ZSCAN4: variants seen among roughly 807,000 people sequenced by gnomAD.
The protein encoded by ZSCAN4 is zinc finger and SCAN domain containing 4.
ZSCAN4 carries 18 observed loss-of-function variants against 18.3 expected under a neutral mutation model. The ratio of observed to expected loss-of-function variants is 0.98; its 90% CI spans 0.68 to 1.46. The LOEUF is 1.46. Among genes scored for constraint, ZSCAN4 ranks in the 40% most tolerant of loss-of-function variants. The probability of loss-of-function intolerance (pLI) is 0.00; values close to 1 mark genes in which losing one functional copy is unlikely to be tolerated. For synonymous variants in ZSCAN4, 193 were observed against 180.3 expected, an observed-to-expected ratio of 1.07 and a Z score of -0.57; for missense variants, 498 against 511.4, an observed-to-expected ratio of 0.97 and a Z score of 0.25.
chr19:57,670,215 AAT>A (rs1340414217), intron 1 of ZSCAN4, 28 bp from the exon 2 acceptor site: 1 of 152,296 alleles, frequency 6.6e-6, no homozygotes, highest in Admixed American at 6.5e-5. Flanking sequence ...CAGAAATATT[AAT>A]GTGTTTGTTT....
the ZSCAN4 span, among the ~76,000 whole-genome samples, chr19:57,657,878 G>A: frequency 6.6e-6 from 1 of 152,158 alleles, no homozygotes; most frequent in Non-Finnish European, 1.5e-5. Flanking sequence ...CTAATACAGT[G>A]TAAATGCTGT....
chr19:57,658,624 A>G, the ZSCAN4 span, among the ~76,000 whole-genome samples: 2 of 152,178 alleles, frequency 1.3e-5, no homozygotes, highest in Admixed American at 6.5e-5. Context: ...ACCTGAGATC[A>G]GGAGTTCAAG....
At chr19:57,678,729 T>C (rs1488119092) in exon 5 of ZSCAN4, 3 of 1,613,956 alleles carry the variant, frequency 1.9e-6, no homozygotes, top group Non-Finnish European at 2.5e-6. Flanking sequence ...GTGTAAAAAG[T>C]CCTTCAGCCA....
the ZSCAN4 span, among the ~76,000 whole-genome samples, chr19:57,654,902 C>G: frequency 6.6e-6 from 1 of 152,172 alleles, no homozygotes; most frequent in Non-Finnish European, 1.5e-5. Flanking sequence ...CACCAGGGAC[C>G]TGGCTAAACT....
At position 57,677,793 on chromosome 19, in the gene ZSCAN4, C is replaced by A. The variant is rs890390883; in HGVS notation, c.397-121C>A. 1.2e-5 allele frequency: 10 copies of A among 868,992 alleles called. No homozygotes were observed. In the Admixed American group the frequency reaches 2.9e-4, roughly 25 times the overall value. The allele number at this position is 868,992 out of a possible 1,614,324, so 53.8% of individuals were successfully genotyped here. On this transcript the variant is annotated intron_variant, in intron 3 of 4. Transcript: ENST00000318203. ...GAATAACACCATCAGAGATGGTGGACAAAATATGTGATAGCCAATACTTGA... is the reference window on the plus strand; with the variant it reads ...GAATAACACCATCAGAGATGGTGGAAAAAATATGTGATAGCCAATACTTGA...
intron 2 of ZSCAN4, among the ~76,000 whole-genome samples, chr19:57,673,306 C>T (rs766207999): frequency 6.6e-6 from 1 of 151,740 alleles, no homozygotes; most frequent in African/African-American, 2.4e-5. Flanking sequence ...GGATTACAGG[C>T]GCGAGTCACC....
rs755068043 is a variant in ZSCAN4 at position 57,678,214 on chromosome 19, G to A, written c.611G>A (p.Arg204Gln). 1.2e-5 allele frequency: 19 copies of A among 1,613,934 alleles called. No individual in the cohort carries two copies. The highest frequency in any genetic ancestry group is 5.5e-5 in the South Asian group (5 of 91,068). The stretch of plus-strand genomic sequence containing the variant: ...TGGAACAGTTCTTCGAAAACTACTC[G>A]AGTAAATGAAAATATTACTAATCAA... Residue 204 changes from arginine (R) to glutamine (Q), a missense_variant, in exon 5 of 5, where the codon CGA becomes CAA. Coordinates refer to ENST00000318203, the Ensembl canonical transcript of ZSCAN4.
rs1368331405 is a variant in ZSCAN4 at position 57,678,569 on chromosome 19, G to A, written c.966G>A (p.Lys322=). Residue 322 remains lysine, a synonymous_variant, in exon 5 of 5, where the codon AAG becomes AAA. Transcript: ENST00000318203. ...GTGAAGAATGCCCCAAGGTCTTTAA[G>A]TATCTCTGTCACTTATTAGCTCACC... The A allele has an allele frequency of 5.0e-6, 8 of 1,613,974 alleles. No homozygotes were observed. The African/African-American group carries it at 1.1e-4, about 22-fold the overall frequency.
At chr19:57,671,508 A>AG (rs1258219508) in intron 2 of ZSCAN4, among the ~76,000 whole-genome samples, 2 of 147,696 alleles carry the variant, frequency 1.4e-5, no homozygotes, top group East Asian at 2.0e-4. Flanking sequence ...AAAAAAAAAA[A>AG]AAAGAGAGAG....
At chr19:57,656,007 A>C in the ZSCAN4 span, among the ~76,000 whole-genome samples, 1 of 152,158 alleles carries the variant, frequency 6.6e-6, no homozygotes, top group African/African-American at 2.4e-5. Context: ...AATAGGAAAA[A>C]GGGTCAATAT....
chr19:57,678,878 T>A lies in ZSCAN4; in HGVS notation c.1275T>A (p.Ser425Arg), dbSNP rs777748786. 6.0e-5 allele frequency: 96 copies of A among 1,608,892 alleles called. No individual in the cohort carries two copies. In the South Asian group the frequency reaches 1.0e-3, roughly 17 times the overall value. The stretch of plus-strand genomic sequence containing the variant: ...CTCATGAGAAAATTACCCTGCCAAG[T>A]GTTCCCTCCACACCAGAAGCTTCCT... The change falls in exon 5 of 5, where the codon AGT (serine) becomes AGA (arginine). Residue 425 changes from serine (S) to arginine (R), a missense_variant. By Grantham distance (110) the Ser-to-Arg change is moderately radical. Transcript: ENST00000318203.
At chr19:57,665,307 T>C (rs995897684), upstream of ZSCAN4, among the ~76,000 whole-genome samples, 3 of 152,208 alleles carry the variant, frequency 2.0e-5, no homozygotes, top group Non-Finnish European at 2.9e-5. Flanking sequence ...ATACTTTTCC[T>C]GGAGTGTATC....
the ZSCAN4 span, among the ~76,000 whole-genome samples, chr19:57,657,927 G>GT: frequency 6.6e-6 from 1 of 152,152 alleles, no homozygotes; most frequent in Non-Finnish European, 1.5e-5. Flanking sequence ...TGTTTAGGGA[G>GT]TAATGACCCA....
chr19:57,676,474 C>G lies in ZSCAN4; in HGVS notation c.329C>G (p.Ser110Ter). ...GCCAGTGTGAAAGAGAAATGGAAAT[C>G]AAGTGGCAAAAACTTGGAGAGATTC... The change falls in exon 3 of 5, where the codon TCA becomes TGA. Residue 110 changes from serine (S) to a stop codon, truncating the protein, a stop_gained. Transcript: ENST00000318203. LOFTEE classifies it high-confidence loss of function. 6.2e-7 allele frequency: 1 copy of G among 1,614,088 alleles called. No individual in the cohort carries two copies.
upstream of ZSCAN4, among the ~76,000 whole-genome samples, chr19:57,667,987 G>A (rs780346210): frequency 3.3e-5 from 5 of 151,808 alleles, no homozygotes; most frequent in Non-Finnish European, 5.9e-5. Flanking sequence ...CTGCAACCTC[G>A]GCCTCCCAGG....
At chr19:57,658,100 A>T in the ZSCAN4 span, among the ~76,000 whole-genome samples, 1 of 152,356 alleles carries the variant, frequency 6.6e-6, no homozygotes, top group African/African-American at 2.4e-5. Flanking sequence ...AAACAAAAAC[A>T]AATGTCTATG....
At chr19:57,659,933 T>C in the ZSCAN4 span, among the ~76,000 whole-genome samples, 1 of 152,234 alleles carries the variant, frequency 6.6e-6, no homozygotes, top group South Asian at 2.1e-4. Context: ...GTTTCAGTAA[T>C]ATACACAATA....
chr19:57,676,808 A>G (rs1984204023), intron 3 of ZSCAN4, among the ~76,000 whole-genome samples: 1 of 152,232 alleles, frequency 6.6e-6, no homozygotes, highest in Non-Finnish European at 1.5e-5. Flanking sequence ...TAGTCTGCAT[A>G]ATGGCAGACT....
At chr19:57,674,964 T>TTTG (rs1429763311) in intron 2 of ZSCAN4, among the ~76,000 whole-genome samples, 3 of 149,904 alleles carry the variant, frequency 2.0e-5, no homozygotes, top group African/African-American at 7.4e-5. Flanking sequence ...AAGTTTTTTT[T>TTTG]TTTTTTTTTT....
Sources: gnomAD v4.1 joint callset for allele counts (sites outside exome capture counted in the v4.1 genomes callset) on GRCh38, gnomAD v4.1.1 for gene constraint, MANE v1.5 for transcripts, NCBI Gene and HGNC (gene_info 2026-07-23, HGNC 2026-07-21) for gene names.